The following SLC44A5 variants were observed in gnomAD, a reference collection of about 807,000 sequenced individuals.
SLC44A5 encodes the protein solute carrier family 44 member 5, also known as choline transporter-like protein 5.
SLC44A5 carries 57 observed loss-of-function variants against 101.8 expected under a neutral mutation model. The ratio of observed to expected loss-of-function variants is 0.56; its 90% confidence interval spans 0.45 to 0.70. The LOEUF is 0.70. Among genes scored for constraint, SLC44A5 ranks in the 30% least tolerant of loss-of-function variants. The pLI, the probability that SLC44A5 is intolerant of heterozygous loss-of-function variation, is 0.00. For missense variants in SLC44A5, 737 were observed against 853.1 expected (o/e 0.86, Z 1.70); for synonymous variants, 281 against 290.9 (o/e 0.97, Z 0.35).
intron 1 of SLC44A5, among the ~76,000 whole-genome samples, chr1:75,546,813 A>C (rs1671676434): frequency 6.6e-6 from 1 of 152,166 alleles, no homozygotes; most frequent in Non-Finnish European, 1.5e-5. Flanking sequence ...GTTCATGGAA[A>C]GTGTGTATTA....
At chr1:75,357,684 G>T (rs1252353727) in intron 3 of SLC44A5, among the ~76,000 whole-genome samples, 1 of 152,042 alleles carries the variant, frequency 6.6e-6, no homozygotes, top group Non-Finnish European at 1.5e-5. Flanking sequence ...AGTGGGTGGA[G>T]GAAGGAAAAC....
At chr1:75,680,611 A>G in the SLC44A5 span, among the ~76,000 whole-genome samples, 6 of 151,544 alleles carry the variant, frequency 4.0e-5, no homozygotes, top group East Asian at 1.2e-3. Flanking sequence ...CATTCAAAGC[A>G]GTGTGTAGAG....
the SLC44A5 span, among the ~76,000 whole-genome samples, chr1:75,714,521 C>T: frequency 6.6e-6 from 1 of 152,128 alleles, no homozygotes; most frequent in East Asian, 1.9e-4. Flanking sequence ...ATAAAAGGCA[C>T]CCAAGTAGAA....
chr1:75,418,222 CACA>C (rs778427861), intron 2 of SLC44A5, among the ~76,000 whole-genome samples: 59 of 152,258 alleles, frequency 3.9e-4, no homozygotes, highest in Non-Finnish European at 6.3e-4. Context: ...ACCTAGTTTA[CACA>C]ACAATTAGTC....
At chr1:75,633,984 G>A in the SLC44A5 span, among the ~76,000 whole-genome samples, 1 of 151,882 alleles carries the variant, frequency 6.6e-6, no homozygotes, top group African/African-American at 2.4e-5. Flanking sequence ...ATAATCATGT[G>A]GTTTTTGTCT....
intron 2 of SLC44A5, among the ~76,000 whole-genome samples, chr1:75,444,659 T>C (rs1174850498): frequency 6.6e-6 from 1 of 150,490 alleles, no homozygotes; most frequent in Admixed American, 6.6e-5. Flanking sequence ...TAGTGATAGA[T>C]GCAGCAAGAG....
chr1:75,492,101 T>C (rs1668457363), intron 2 of SLC44A5, among the ~76,000 whole-genome samples: 1 of 152,170 alleles, frequency 6.6e-6, no homozygotes, highest in African/African-American at 2.4e-5. Flanking sequence ...CTGCAGTTCA[T>C]CTCTCTGTGG....
the SLC44A5 span, among the ~76,000 whole-genome samples, chr1:75,663,905 C>T: frequency 6.6e-6 from 1 of 152,090 alleles, no homozygotes; most frequent in Admixed American, 6.6e-5. Flanking sequence ...TCCAAAAACC[C>T]TCGACAAAAT....
chr1:75,536,955 G>A (rs1162375016), intron 2 of SLC44A5, among the ~76,000 whole-genome samples: 2 of 115,074 alleles, frequency 1.7e-5, no homozygotes, highest in Non-Finnish European at 3.4e-5. Context: ...GCAGTGAGCC[G>A]AGATCCCGCC....
At chr1:75,532,708 G>A (rs1057441204) in intron 2 of SLC44A5, among the ~76,000 whole-genome samples, 1 of 152,128 alleles carries the variant, frequency 6.6e-6, no homozygotes, top group African/African-American at 2.4e-5. Context: ...TATCCCCAGT[G>A]TTCAGTATAG....
chr1:75,558,692 G>C (rs1257315642), intron 1 of SLC44A5, among the ~76,000 whole-genome samples: 2 of 152,076 alleles, frequency 1.3e-5, no homozygotes, highest in African/African-American at 4.8e-5. Context: ...GCGATATTTT[G>C]ATGTAGGCCC....
At chr1:75,627,277 G>A in the SLC44A5 span, among the ~76,000 whole-genome samples, 13 of 152,088 alleles carry the variant, frequency 8.5e-5, no homozygotes, top group African/African-American at 2.9e-4. Context: ...ATTATAATAG[G>A]AACTTAGTTC....
At chr1:75,274,919 G>A (rs1651795399) in intron 6 of SLC44A5, 39 bp downstream of exon 6, 4 of 1,493,728 alleles carry the variant, frequency 2.7e-6, no homozygotes, top group Non-Finnish European at 3.7e-6. Flanking sequence ...TTCCAGTTTA[G>A]ACAGTAAAAT....
At chr1:75,355,138 A>G (rs1346374517) in intron 3 of SLC44A5, among the ~76,000 whole-genome samples, 3 of 152,228 alleles carry the variant, frequency 2.0e-5, no homozygotes, top group Non-Finnish European at 4.4e-5. Flanking sequence ...TCTGTGTTTA[A>G]CCAACAAAAA....
chr1:75,388,922 C>T (rs1486855239), intron 3 of SLC44A5, among the ~76,000 whole-genome samples: 1 of 152,028 alleles, frequency 6.6e-6, no homozygotes, highest in Non-Finnish European at 1.5e-5. Context: ...CTTCAAGAGA[C>T]ACATATCATG....
At chr1:75,573,343 C>CA (rs1232803131) in intron 1 of SLC44A5, among the ~76,000 whole-genome samples, 9 of 148,804 alleles carry the variant, frequency 6.0e-5, no homozygotes, top group South Asian at 2.1e-4. Context: ...GACTCCATCT[C>CA]AAAAAAAAAG....
Position 75,249,779 on chromosome 1 carries a change from C to T in SLC44A5, c.345+1431G>A, listed in dbSNP as rs12563103. Among the ~76,000 whole-genome samples, 144 of 152,222 alleles carry T rather than the reference C, an allele frequency of 9.5e-4. 1 individual carries two copies. Among genetic ancestry groups the T allele is most frequent in the Middle Eastern group, 3.4e-3 (1 of 294 alleles). On this transcript the variant is annotated intron_variant, in intron 7 of 23. Transcript: ENST00000370859. ...GTTAAAAACAGTACTACATGGGATT[C>T]TGGGTTCTCCTTTGGGAAGAAGAAG...
At chr1:75,461,430 G>A (rs1346654694) in intron 2 of SLC44A5, among the ~76,000 whole-genome samples, 2 of 152,070 alleles carry the variant, frequency 1.3e-5, no homozygotes, top group Non-Finnish European at 2.9e-5. Flanking sequence ...TTAGTTCACT[G>A]GAGTAACTAT....
intron 1 of SLC44A5, among the ~76,000 whole-genome samples, chr1:75,588,599 G>A (rs549808118): frequency 6.6e-6 from 1 of 152,156 alleles, no homozygotes; most frequent in African/African-American, 2.4e-5. Context: ...AGAGATAGAT[G>A]TTTTTTAAAA....
Sources: gnomAD v4.1 joint callset for allele counts (sites outside exome capture counted in the v4.1 genomes callset) on GRCh38, gnomAD v4.1.1 for gene constraint, MANE v1.5 for transcripts, NCBI Gene and HGNC (gene_info 2026-07-23, HGNC 2026-07-21) for gene names.